ARHGAP32: variants seen among roughly 807,000 people sequenced by gnomAD.
The protein encoded by ARHGAP32 is rho GTPase-activating protein 32.
ARHGAP32 carries 51 observed loss-of-function variants against 186.5 expected under a neutral mutation model. The ratio of observed to expected loss-of-function variants is 0.27; its 90% CI spans 0.22 to 0.35. The LOEUF (loss-of-function observed/expected upper bound fraction) is 0.35, where lower values mean the gene tolerates loss of function less well. ARHGAP32 is among the 10% of genes least tolerant of loss of function. The pLI is 1.00. For synonymous variants in ARHGAP32, 950 were observed against 964.3 expected (o/e 0.99, Z 0.27); for missense variants, 2,186 against 2,623.5 (o/e 0.83, Z 3.64).
intron 5 of ARHGAP32, among the ~76,000 whole-genome samples, chr11:129,121,406 G>A (rs554573809): frequency 5.7e-4 from 87 of 152,184 alleles, no homozygotes; most frequent in African/African-American, 2.0e-3. Flanking sequence ...AAGCAAAACT[G>A]GTAGATGTGA....
At chr11:128,981,170 C>T (rs1945696258) in intron 17 of ARHGAP32, among the ~76,000 whole-genome samples, 1 of 152,148 alleles carries the variant, frequency 6.6e-6, no homozygotes, top group Admixed American at 6.5e-5. Context: ...CTTTAATACA[C>T]ATCAATAATG....
chr11:129,127,651 A>G (rs1231735824), intron 2 of ARHGAP32, among the ~76,000 whole-genome samples: 1 of 152,118 alleles, frequency 6.6e-6, no homozygotes, highest in African/African-American at 2.4e-5. Flanking sequence ...AAAACAAATT[A>G]TCTTAAATTT....
chr11:129,224,794 C>T (rs959981903), intron 1 of ARHGAP32, among the ~76,000 whole-genome samples: 2 of 116,534 alleles, frequency 1.7e-5, no homozygotes, highest in African/African-American at 6.4e-5. Flanking sequence ...AAAAAAAAAT[C>T]TCTTCCCCAC....
intron 2 of ARHGAP32, among the ~76,000 whole-genome samples, chr11:129,141,432 T>C (rs11221577): frequency 0.37 from 55,906 of 151,588 alleles, 10,659 homozygotes; most frequent in South Asian, 0.53. Flanking sequence ...TGAGAACACA[T>C]AGACACAAGG....
At chr11:129,199,717 AAGCCCCCACACAG>A (rs1324320843) in intron 1 of ARHGAP32, among the ~76,000 whole-genome samples, 1 of 152,188 alleles carries the variant, frequency 6.6e-6, no homozygotes, top group Non-Finnish European at 1.5e-5. Flanking sequence ...TGTGGGGTTG[AAGCCCCCACACAG>A]AGCCCCCACT....
intron 10 of ARHGAP32, among the ~76,000 whole-genome samples, 178 bp from the exon 11 acceptor site, chr11:129,041,187 T>A (rs1408779493): frequency 1.3e-5 from 2 of 152,242 alleles, no homozygotes; most frequent in Non-Finnish European, 2.9e-5. Flanking sequence ...AATCTGTTGC[T>A]ATGAGTACAT....
At chr11:129,075,973 A>G (rs1308664564) in intron 6 of ARHGAP32, among the ~76,000 whole-genome samples, 1 of 152,302 alleles carries the variant, frequency 6.6e-6, no homozygotes, top group East Asian at 1.9e-4. Flanking sequence ...CCTTGCTGAT[A>G]AAATAGCAGG....
intron 1 of ARHGAP32, among the ~76,000 whole-genome samples, chr11:129,246,609 T>TAACCTTTA (rs1262666142): frequency 1.3e-5 from 2 of 152,178 alleles, no homozygotes; most frequent in African/African-American, 4.8e-5. Context: ...GGGCAATACT[T>TAACCTTTA]AACCTTTACG....
chr11:129,240,489 G>A (rs1207571349), intron 1 of ARHGAP32, among the ~76,000 whole-genome samples: 1 of 151,400 alleles, frequency 6.6e-6, no homozygotes, highest in Non-Finnish European at 1.5e-5. Flanking sequence ...CTTTCCCTAG[G>A]TCTTCAATAA....
At chr11:129,274,947 G>A (rs117284364) in intron 1 of ARHGAP32, among the ~76,000 whole-genome samples, 62 of 148,850 alleles carry the variant, frequency 4.2e-4, no homozygotes, top group Non-Finnish European at 3.0e-5. Context: ...AAATAGAAGT[G>A]GTATTTAAAT....
chr11:129,203,718 C>CA (rs375747287), intron 1 of ARHGAP32, among the ~76,000 whole-genome samples: 33,406 of 81,500 alleles, frequency 0.41, 4,739 homozygotes, highest in Middle Eastern at 0.49. Flanking sequence ...CTTGTCTCTA[C>CA]AAAAAAAAAA....
intron 1 of ARHGAP32, among the ~76,000 whole-genome samples, chr11:129,190,321 G>A (rs970463962): frequency 2.0e-5 from 3 of 152,286 alleles, no homozygotes; most frequent in East Asian, 1.9e-4. Flanking sequence ...TGCTGAATGC[G>A]TGAGAGACAC....
intron 1 of ARHGAP32, 78 bp downstream of exon 1, chr11:129,192,005 G>C (rs536083256): frequency 2.6e-4 from 281 of 1,082,832 alleles, no homozygotes; most frequent in Non-Finnish European, 3.7e-4. Flanking sequence ...AAAAAAGACC[G>C]AAATGCAGAG....
Position 128,972,766 on chromosome 11 carries a change from T to C in ARHGAP32, c.3740A>G (p.Lys1247Arg). 6.2e-7 allele frequency: 1 copy of C among 1,613,786 alleles called. No homozygotes were observed. Among genetic ancestry groups the C allele is most frequent in the Non-Finnish European group, 8.5e-7 (1 of 1,179,986 alleles). ...AGGTAAATTAGGAGGTGTGGGAGAT[T>C]TGTCTGCAAATTCTAAAGGGTGATG... ...KLHHPLEFAD[K>R]SPTPPNLPSD... Residue 1247 changes from lysine to arginine, a missense_variant, in exon 22 of 23, where the codon AAA becomes AGA. This residue lies in a region of ARHGAP32 where 1,502 missense variants were observed against 1,570.0 expected (regional missense o/e 0.96). Transcript: ENST00000682385.
At chr11:129,143,773 C>G (rs749542434) in intron 2 of ARHGAP32, among the ~76,000 whole-genome samples, 1 of 152,144 alleles carries the variant, frequency 6.6e-6, no homozygotes, top group African/African-American at 2.4e-5. Context: ...GAAGAATGAA[C>G]CTTCTATCCA....
At chr11:129,086,635 CA>C (rs1941408165) in intron 6 of ARHGAP32, among the ~76,000 whole-genome samples, 1 of 152,040 alleles carries the variant, frequency 6.6e-6, no homozygotes, top group Non-Finnish European at 1.5e-5. Flanking sequence ...TCCCGGCTAG[CA>C]CGGTGAAACC....
chr11:129,051,953 CAAAAAAAAAAAAAAAAAA>C (rs36014500), intron 10 of ARHGAP32, among the ~76,000 whole-genome samples: 3 of 71,138 alleles, frequency 4.2e-5, no homozygotes, highest in East Asian at 4.5e-4. Flanking sequence ...GATTCTGTCT[CAAAAAAAAAAAAAAAAAA>C]AAAAAAAAAG....
At chr11:129,150,448 T>G (rs1250777794) in intron 2 of ARHGAP32, among the ~76,000 whole-genome samples, 1 of 152,020 alleles carries the variant, frequency 6.6e-6, no homozygotes, top group Non-Finnish European at 1.5e-5. Flanking sequence ...AAAGAAAGAA[T>G]CTTAAGAGCT....
chr11:129,118,152 C>A (rs758953047), intron 5 of ARHGAP32, among the ~76,000 whole-genome samples: 10 of 151,768 alleles, frequency 6.6e-5, no homozygotes, highest in African/African-American at 2.2e-4. Flanking sequence ...AAAAGTAATA[C>A]CTAAAAACAA....
Sources: gnomAD v4.1 joint callset for allele counts (sites outside exome capture counted in the v4.1 genomes callset) on GRCh38, gnomAD v4.1.1 for gene constraint, gnomAD v4.1.1 regional missense constraint, MANE v1.5 for transcripts, NCBI Gene and HGNC (gene_info 2026-07-23, HGNC 2026-07-21) for gene names.